Variants in MCTP1 observed in about 807,000 individuals in gnomAD.
MCTP1 encodes multiple C2 and transmembrane domain containing 1, also known as multiple C2 and transmembrane domain-containing protein 1.
Under a neutral mutation model 120.6 loss-of-function variants are expected in MCTP1, and 69 were observed. That is an observed-to-expected ratio of 0.57 (90% CI 0.47 to 0.70). The LOEUF (loss-of-function observed/expected upper bound fraction) is 0.70. Ranked by LOEUF, MCTP1 falls within the 30% of genes least tolerant of loss-of-function variation. The pLI is 0.00. For synonymous variants in MCTP1, 529 were observed against 493.1 expected, an observed-to-expected ratio of 1.07 and a Z score of -0.96; for missense variants, 1,203 against 1,248.8, an observed-to-expected ratio of 0.96 and a Z score of 0.55.
chr5:95,004,822 C>T (rs1318001648), intron 2 of MCTP1, among the ~76,000 whole-genome samples: 1 of 152,208 alleles, frequency 6.6e-6, no homozygotes, highest in Non-Finnish European at 1.5e-5. Flanking sequence ...AGAACCTCTA[C>T]TAGGGTAGGG....
At chr5:94,936,492 A>C (rs1339448178) in intron 5 of MCTP1, among the ~76,000 whole-genome samples, 1 of 152,064 alleles carries the variant, frequency 6.6e-6, no homozygotes, top group African/African-American at 2.4e-5. Flanking sequence ...GGAGAGCCTT[A>C]AAGTTTCTCA....
chr5:94,861,492 A>G (rs1164036558), intron 17 of MCTP1, among the ~76,000 whole-genome samples: 1 of 151,820 alleles, frequency 6.6e-6, no homozygotes, highest in African/African-American at 2.4e-5. Flanking sequence ...CATATTAATG[A>G]CTGAATCTCT....
intron 3 of MCTP1, among the ~76,000 whole-genome samples, chr5:94,947,086 G>C (rs72777308): frequency 0.014 from 2,164 of 152,182 alleles, 27 homozygotes; most frequent in Non-Finnish European, 0.025. Context: ...TCTGGAATCT[G>C]CTTTTGTTGC....
At chr5:94,922,030 C>A (rs1811781371) in intron 7 of MCTP1, among the ~76,000 whole-genome samples, 1 of 152,160 alleles carries the variant, frequency 6.6e-6, no homozygotes, top group Non-Finnish European at 1.5e-5. Flanking sequence ...GCAATGACAT[C>A]AGTGTGATGG....
chr5:94,877,514 T>A (rs1322024877), intron 12 of MCTP1: 1 of 152,112 alleles, frequency 6.6e-6, no homozygotes, highest in African/African-American at 2.4e-5. Context: ...CCAATCCTTT[T>A]TTGGGGGTGA....
intron 17 of MCTP1, among the ~76,000 whole-genome samples, chr5:94,866,403 T>G (rs1796794926): frequency 6.6e-6 from 1 of 151,870 alleles, no homozygotes; most frequent in South Asian, 2.1e-4. Flanking sequence ...ATTCAGAGCT[T>G]CTTTTTTCCA....
rs117256021 is a variant in MCTP1, at chr5:95,025,609, A to G, written c.721-8125T>C. Among the ~76,000 whole-genome samples, 367 of 152,362 alleles carry G rather than the reference A, an allele frequency of 2.4e-3. 4 individuals carry two copies. The highest frequency in any genetic ancestry group is 9.4e-3 in the Admixed American group (143 of 15,294). ...AATAACAAGAGCATTCACATCTTCT[A>G]TCTCAGCAAGCCACCATTTTTGCAG... On this transcript the variant is annotated intron_variant, in intron 1 of 22. Coordinates refer to ENST00000515393, the MANE Select transcript of MCTP1 (RefSeq NM_024717.7).
intron 1 of MCTP1, among the ~76,000 whole-genome samples, chr5:95,041,656 G>T (rs923881912): frequency 1.3e-5 from 2 of 151,984 alleles, no homozygotes; most frequent in Admixed American, 6.6e-5. Flanking sequence ...TAGGATACAG[G>T]CCTTGTTCAA....
At chr5:95,155,346 T>G (rs917006423) in intron 1 of MCTP1, among the ~76,000 whole-genome samples, 2 of 152,178 alleles carry the variant, frequency 1.3e-5, no homozygotes, top group Admixed American at 6.5e-5. Flanking sequence ...ACATTCCTTA[T>G]TCTAATGAAG....
intron 19 of MCTP1, among the ~76,000 whole-genome samples, chr5:94,752,249 T>C (rs1768651941): frequency 6.6e-6 from 1 of 150,524 alleles, no homozygotes. Flanking sequence ...CTGGATTTTA[T>C]CCAAAGTGGT....
At position 95,063,372 on chromosome 5, in the gene MCTP1, T is replaced by C. The variant is rs890654472; in HGVS notation, c.721-45888A>G. On this transcript the variant is annotated intron_variant, in intron 1 of 22. Coordinates refer to ENST00000515393, the MANE Select transcript of MCTP1 (RefSeq NM_024717.7). Reference sequence around the variant, plus strand: ...ATGTCTCTCTCCTGTGAAATGTTTCTATTACAGTAAACAAATCCATGGTGG... The same window carrying C: ...ATGTCTCTCTCCTGTGAAATGTTTCCATTACAGTAAACAAATCCATGGTGG... Among the ~76,000 whole-genome samples the C allele has an allele frequency of 3.3e-5, 5 of 152,338 alleles. No homozygotes were observed. The East Asian group carries it at 5.8e-4, about 18-fold the overall frequency.
At chr5:94,943,721 GA>G (rs1345848838) in intron 3 of MCTP1, among the ~76,000 whole-genome samples, 3 of 151,914 alleles carry the variant, frequency 2.0e-5, no homozygotes, top group Non-Finnish European at 4.4e-5. Flanking sequence ...TTAAGGAAAA[GA>G]AGAGAGAACG....
At chr5:94,979,272 C>T (rs1828862157) in intron 2 of MCTP1, 1 of 152,012 alleles carries the variant, frequency 6.6e-6, no homozygotes, top group Non-Finnish European at 1.5e-5. Flanking sequence ...ATGATTTCTA[C>T]CATTGTATGT....
At chr5:95,125,762 T>C (rs1369023449) in intron 1 of MCTP1, among the ~76,000 whole-genome samples, 1 of 152,250 alleles carries the variant, frequency 6.6e-6, no homozygotes, top group African/African-American at 2.4e-5. Context: ...AATCAGGGTA[T>C]AAATGAATGA....
At chr5:94,740,155 C>T (rs969400824) in intron 19 of MCTP1, among the ~76,000 whole-genome samples, 2 of 152,204 alleles carry the variant, frequency 1.3e-5, no homozygotes, top group African/African-American at 2.4e-5. Flanking sequence ...TTTCTCTACA[C>T]ATATCCATTT....
At chr5:95,047,508 C>G (rs1277822560) in intron 1 of MCTP1, among the ~76,000 whole-genome samples, 1 of 152,018 alleles carries the variant, frequency 6.6e-6, no homozygotes, top group Non-Finnish European at 1.5e-5. Flanking sequence ...AAATAATGAA[C>G]TTTAGTAATA....
chr5:95,036,387 CCTT>C (rs1229015037), intron 1 of MCTP1, among the ~76,000 whole-genome samples: 1 of 152,186 alleles, frequency 6.6e-6, no homozygotes, highest in Non-Finnish European at 1.5e-5. Flanking sequence ...GCTGAAGAAT[CCTT>C]CTACTGCTTC....
At chr5:94,789,917 C>T (rs1186731094) in intron 18 of MCTP1, among the ~76,000 whole-genome samples, 1 of 152,088 alleles carries the variant, frequency 6.6e-6, no homozygotes, top group Non-Finnish European at 1.5e-5. Context: ...AAAGATCAGA[C>T]TAAAATATTT....
At chr5:94,906,016 G>A (rs1423980999) in intron 10 of MCTP1, among the ~76,000 whole-genome samples, 2 of 152,136 alleles carry the variant, frequency 1.3e-5, no homozygotes, top group African/African-American at 4.8e-5. Flanking sequence ...AGCGAAAAAT[G>A]TGTTTTAAGG....
Sources: gnomAD v4.1 joint callset for allele counts (sites outside exome capture counted in the v4.1 genomes callset) on GRCh38, gnomAD v4.1.1 for gene constraint, MANE v1.5 for transcripts, NCBI Gene and HGNC (gene_info 2026-07-23, HGNC 2026-07-21) for gene names.